ATF7IP: variants seen among roughly 807,000 people sequenced by gnomAD.
The protein encoded by ATF7IP is activating transcription factor 7-interacting protein 1.
Under a neutral mutation model 106.4 loss-of-function variants are expected in ATF7IP, and 23 were observed. The observed-to-expected ratio is 0.22, with a 90% CI of 0.16 to 0.31. The LOEUF (loss-of-function observed/expected upper bound fraction) is 0.31. ATF7IP is among the 10% of genes least tolerant of loss of function. The pLI is 1.00. For synonymous variants in ATF7IP, 542 were observed against 539.0 expected, an observed-to-expected ratio of 1.01 and a Z score of -0.08; for missense variants, 1,334 against 1,524.3, an observed-to-expected ratio of 0.88 and a Z score of 2.08.
At chr12:14,478,945 C>A (rs1944348238) in intron 12 of ATF7IP, among the ~76,000 whole-genome samples, 1 of 152,108 alleles carries the variant, frequency 6.6e-6, no homozygotes, top group African/African-American at 2.4e-5. Context: ...TAATGTAAAT[C>A]TCCAAGAATG....
At chr12:14,465,498 G>A (rs545557588) in intron 9 of ATF7IP, among the ~76,000 whole-genome samples, 1 of 151,622 alleles carries the variant, frequency 6.6e-6, no homozygotes, top group South Asian at 2.1e-4. Flanking sequence ...CAAAACAGAT[G>A]CTCATTTGTA....
intron 10 of ATF7IP, among the ~76,000 whole-genome samples, chr12:14,474,099 A>G (rs1160595278): frequency 6.6e-6 from 1 of 151,662 alleles, no homozygotes; most frequent in East Asian, 1.9e-4. Context: ...TTTTTTCTTT[A>G]GATCTTTGTT....
At chr12:14,434,895 G>A (rs987422802) in intron 3 of ATF7IP, among the ~76,000 whole-genome samples, 2 of 152,128 alleles carry the variant, frequency 1.3e-5, no homozygotes, top group African/African-American at 4.8e-5. Context: ...AGACCAGCCT[G>A]GGTGACATAG....
At chr12:14,455,021 A>T (rs1173001623) in intron 6 of ATF7IP, among the ~76,000 whole-genome samples, 1 of 151,998 alleles carries the variant, frequency 6.6e-6, no homozygotes, top group Non-Finnish European at 1.5e-5. Flanking sequence ...TCTACTAAAA[A>T]TACAAAAATT....
intron 10 of ATF7IP, among the ~76,000 whole-genome samples, chr12:14,475,298 T>A (rs1417864647): frequency 6.6e-6 from 1 of 152,254 alleles, no homozygotes; most frequent in East Asian, 1.9e-4. Context: ...GAGTCCTGGC[T>A]CTTTAGGTTT....
At chr12:14,467,404 A>C (rs1235409192) in intron 10 of ATF7IP, among the ~76,000 whole-genome samples, 2 of 152,224 alleles carry the variant, frequency 1.3e-5, no homozygotes, top group South Asian at 2.1e-4. Context: ...CATAGTTTAT[A>C]GATCAAATAA....
In ATF7IP at chr12:14,424,211, T is replaced by TAAA. The variant is rs1460828096; in HGVS notation, c.300_302dup (p.Lys100dup). The TAAA allele has an allele frequency of 1.2e-6, 2 of 1,614,174 alleles. No individual in the cohort carries two copies. The highest frequency in any genetic ancestry group is 2.7e-5 in the African/African-American group (2 of 75,052). On this transcript the variant is annotated inframe_insertion, in exon 2 of 15. Transcript: ENST00000261168. ...ACACCCTGTATCCTAAGTGTTAATG[T>TAAA]AAAAAACAAGCAGGATGATGATTTA...
intron 4 of ATF7IP, 96 bp downstream of exon 4, chr12:14,436,347 A>G: frequency 7.9e-7 from 1 of 1,263,870 alleles, no homozygotes; most frequent in Non-Finnish European, 1.1e-6. Flanking sequence ...TATTGACATA[A>G]TGTGGTTTAT....
intron 2 of ATF7IP, among the ~76,000 whole-genome samples, chr12:14,425,891 A>G (rs1201320481): frequency 6.6e-6 from 1 of 152,222 alleles, no homozygotes; most frequent in African/African-American, 2.4e-5. Context: ...TTTTCAATTA[A>G]TATTCCCAAT....
chr12:14,401,850 G>A (rs967770949), intron 1 of ATF7IP, among the ~76,000 whole-genome samples: 1 of 150,520 alleles, frequency 6.6e-6, no homozygotes, highest in Admixed American at 6.6e-5. Context: ...AGTAGCTGGG[G>A]TTACAGGCAT....
At chr12:14,493,466 A>G (rs1299495970) in intron 13 of ATF7IP, among the ~76,000 whole-genome samples, 3 of 152,164 alleles carry the variant, frequency 2.0e-5, no homozygotes, top group Non-Finnish European at 4.4e-5. Flanking sequence ...CCTCAGGGGA[A>G]GCCATCACTC....
At chr12:14,401,750 C>A (rs1940221112) in intron 1 of ATF7IP, among the ~76,000 whole-genome samples, 1 of 119,524 alleles carries the variant, frequency 8.4e-6, no homozygotes, top group Non-Finnish European at 1.6e-5. Context: ...TGGAATCTCG[C>A]TGTGTCGCTC....
At chr12:14,369,189 G>C (rs1005727974) in intron 1 of ATF7IP, 6 of 151,332 alleles carry the variant, frequency 4.0e-5, no homozygotes, top group Admixed American at 2.0e-4. Context: ...CAGGGGTCAA[G>C]AGAGTTTCCC....
At chr12:14,440,453 A>G (rs752145746) in intron 5 of ATF7IP, among the ~76,000 whole-genome samples, 28 of 152,130 alleles carry the variant, frequency 1.8e-4, no homozygotes, top group Non-Finnish European at 3.4e-4. Flanking sequence ...CACTTTTTCT[A>G]ATATCCACCA....
At position 14,498,628 on chromosome 12, in the gene ATF7IP, G is replaced by A. The variant is rs1945081670; in HGVS notation, c.*555G>A. The A allele has an allele frequency of 6.6e-6, 1 of 152,666 alleles. No individual in the cohort carries two copies. Among genetic ancestry groups the A allele is most frequent in the Non-Finnish European group, 1.5e-5 (1 of 68,094 alleles). 9.5% of individuals were successfully genotyped at this position (152,666 alleles called of 1,614,324 possible). On this transcript the variant is annotated 3_prime_UTR_variant, in exon 15 of 15. Transcript: ENST00000261168. ...TGTTGTTTCTTTTGTCTGGTCTCCT[G>A]AGTTGTTAATTAGGTGAAAAAAGAT...
At chr12:14,430,431 G>C (rs1942059873) in intron 2 of ATF7IP, among the ~76,000 whole-genome samples, 1 of 152,128 alleles carries the variant, frequency 6.6e-6, no homozygotes, top group Non-Finnish European at 1.5e-5. Context: ...TTCCCCGCTA[G>C]GTTTTGCTTT....
chr12:14,466,583 C>T lies in ATF7IP; in HGVS notation c.2855C>T (p.Thr952Ile). The T allele has an allele frequency of 6.2e-7, 1 of 1,601,102 alleles. No homozygotes were observed. The highest frequency in any genetic ancestry group is 1.1e-5 in the South Asian group (1 of 87,922). The change falls in exon 10 of 15, where the codon ACA becomes ATA. Residue 952 changes from threonine (T) to isoleucine (I), a missense_variant. This residue lies in a region of ATF7IP where 370 missense variants were observed against 401.2 expected (regional missense o/e 0.92). Coordinates refer to ENST00000261168, the MANE Select transcript of ATF7IP (RefSeq NM_018179.5). ...ASVSKKAADS[T>I]SQCGKATGSD... Reference sequence around the variant, plus strand: ...GTCAGTAAGAAAGCAGCTGATAGCACATCACAGGTAAGATTTTTCCTTCTT... The same window carrying T: ...GTCAGTAAGAAAGCAGCTGATAGCATATCACAGGTAAGATTTTTCCTTCTT...
Position 14,478,204 on chromosome 12 carries a change from A to G in ATF7IP, c.2942-113A>G, listed in dbSNP as rs550013669. The G allele has an allele frequency of 8.8e-6, 8 of 913,788 alleles. 1 individual carries two copies. Among genetic ancestry groups the G allele is most frequent in the Admixed American group, 4.3e-5 (2 of 46,898 alleles). The allele number at this position is 913,788 out of a possible 1,614,324, so 56.6% of individuals were successfully genotyped here. ...AAATGGAAATAAATTATTCTCTTAGAGGTAAATGTGACACACAAGTGGCAA... is the reference window on the plus strand; with the variant it reads ...AAATGGAAATAAATTATTCTCTTAGGGGTAAATGTGACACACAAGTGGCAA... On this transcript the variant is annotated intron_variant, in intron 11 of 14. Coordinates refer to ENST00000261168, the MANE Select transcript of ATF7IP (RefSeq NM_018179.5).
intron 4 of ATF7IP, among the ~76,000 whole-genome samples, chr12:14,436,772 T>C (rs1942418181): frequency 7.2e-6 from 1 of 138,898 alleles, no homozygotes; most frequent in African/African-American, 2.8e-5. Flanking sequence ...TGACTTCTTT[T>C]TGGCTACATC....
Sources: gnomAD v4.1 joint callset for allele counts (sites outside exome capture counted in the v4.1 genomes callset) on GRCh38, gnomAD v4.1.1 for gene constraint, gnomAD v4.1.1 regional missense constraint, MANE v1.5 for transcripts, NCBI Gene and HGNC (gene_info 2026-07-23, HGNC 2026-07-21) for gene names.